JMJD1C: variants seen among roughly 807,000 people sequenced by gnomAD.
The protein encoded by JMJD1C is jumonji domain containing 1C, also known as jumonji domain-containing protein 1C.
A neutral mutation model predicts 245.3 loss-of-function variants in JMJD1C; 31 were observed. The observed-to-expected ratio is 0.13, with a 90% CI of 0.09 to 0.17. The LOEUF is 0.17. JMJD1C is among the 10% of genes least tolerant of loss of function. The pLI, the probability that JMJD1C is intolerant of heterozygous loss-of-function variation, is 1.00. For synonymous variants in JMJD1C, 1,057 were observed against 1,017.4 expected, an observed-to-expected ratio of 1.04 and a Z score of -0.74; for missense variants, 2,691 against 3,000.2, an observed-to-expected ratio of 0.90 and a Z score of 2.41.
At chr10:63,325,030 T>A (rs991304415) in intron 2 of JMJD1C, among the ~76,000 whole-genome samples, 2 of 152,322 alleles carry the variant, frequency 1.3e-5, no homozygotes, top group East Asian at 3.9e-4. Context: ...TATAGTCTAA[T>A]TCTTAATATT....
intron 2 of JMJD1C, among the ~76,000 whole-genome samples, chr10:63,326,561 T>C (rs1174979419): frequency 6.6e-6 from 1 of 150,992 alleles, no homozygotes; most frequent in African/African-American, 2.4e-5. Context: ...TGGACAGACA[T>C]TGGACACTGA....
intron 1 of JMJD1C, among the ~76,000 whole-genome samples, chr10:63,388,568 A>G (rs574492587): frequency 1.3e-5 from 2 of 152,300 alleles, no homozygotes; most frequent in African/African-American, 4.8e-5. Flanking sequence ...GAGCAAATAC[A>G]ATCAAGGAAG....
At chr10:63,321,697 T>C (rs1343567550) in intron 2 of JMJD1C, among the ~76,000 whole-genome samples, 2 of 152,238 alleles carry the variant, frequency 1.3e-5, no homozygotes, top group African/African-American at 2.4e-5. Flanking sequence ...AAAGGGCCTC[T>C]GCACTATCCT....
At chr10:63,213,342 GA>G in intron 8 of JMJD1C, 130 bp downstream of exon 8, 1 of 616,742 alleles carries the variant, frequency 1.6e-6, no homozygotes, top group East Asian at 2.7e-5. Context: ...TAAGTGTATG[GA>G]AAAACAACCG....
rs759962379 is a variant in JMJD1C, at chr10:63,214,056, A to G, written c.2111T>C (p.Ile704Thr). The G allele has an allele frequency of 3.1e-6, 5 of 1,614,188 alleles. No individual in the cohort carries two copies. Among genetic ancestry groups the G allele is most frequent in the South Asian group, 2.2e-5 (2 of 91,086 alleles). ...STLETTKSPL[I>T]IDKNEHFTVY... is the part of the protein sequence containing the mutation. ...TGTAAAATGCTCATTTTTATCAATGATAAGAGGACTCTTTGTAGTTTCTAA... is the reference window on the plus strand; with the variant it reads ...TGTAAAATGCTCATTTTTATCAATGGTAAGAGGACTCTTTGTAGTTTCTAA... The change falls in exon 8 of 26, where the codon ATC becomes ACC. Residue 704 changes from isoleucine to threonine, a missense_variant. Ile to Thr is a moderately conservative substitution (Grantham distance 89, BLOSUM62 -1). Coordinates refer to ENST00000399262, the MANE Select transcript of JMJD1C (RefSeq NM_032776.3).
intron 2 of JMJD1C, among the ~76,000 whole-genome samples, chr10:63,316,550 C>T (rs552238523): frequency 1.3e-5 from 2 of 152,174 alleles, no homozygotes; most frequent in East Asian, 1.9e-4. Flanking sequence ...TGTGTTCAAG[C>T]GATTCTCCTG....
intron 1 of JMJD1C, among the ~76,000 whole-genome samples, chr10:63,393,470 A>C (rs1444940560): frequency 6.6e-6 from 1 of 152,174 alleles, no homozygotes; most frequent in African/African-American, 2.4e-5. Flanking sequence ...ATTAGGAAAA[A>C]CAGTATGGGG....
chr10:63,230,489 T>G (rs1849827387), intron 3 of JMJD1C, among the ~76,000 whole-genome samples: 1 of 152,210 alleles, frequency 6.6e-6, no homozygotes, highest in Admixed American at 6.5e-5. Context: ...TTGTATAATA[T>G]GCAGAAGGCT....
chr10:63,329,254 C>T (rs894017628), intron 2 of JMJD1C, among the ~76,000 whole-genome samples: 7 of 150,860 alleles, frequency 4.6e-5, no homozygotes, highest in Admixed American at 3.3e-4. Flanking sequence ...TGAACTCCAG[C>T]CTAGGCAACA....
At chr10:63,277,585 T>C (rs905050255) in intron 2 of JMJD1C, among the ~76,000 whole-genome samples, 13 of 152,054 alleles carry the variant, frequency 8.5e-5, no homozygotes, top group African/African-American at 2.4e-4. Context: ...AAAGATATTT[T>C]GGGGATGGTA....
chr10:63,249,327 A>AAAC (rs1205151024), intron 3 of JMJD1C, among the ~76,000 whole-genome samples: 1 of 152,292 alleles, frequency 6.6e-6, no homozygotes, highest in South Asian at 2.1e-4. Context: ...AGAAAAAACA[A>AAAC]AACAACAACA....
At chr10:63,197,036 C>T (rs1466524125) in intron 13 of JMJD1C, among the ~76,000 whole-genome samples, 2 of 151,890 alleles carry the variant, frequency 1.3e-5, no homozygotes, top group African/African-American at 2.4e-5. Context: ...CACCTGGGTT[C>T]AAGCAATCTT....
At position 63,380,405 on chromosome 10, in the gene JMJD1C, C is replaced by T; in HGVS notation, c.246G>A (p.Leu82=). ...TGGCCCAGATTAAGTGGTATTCCAC[C>T]AAGAAAGTTGAAAAATCTTCATAAA... The part of the protein sequence containing the change: ...VKVYEDFSTF[L]VEYHLIWAKR... Residue 82 remains leucine (L), a synonymous_variant, in exon 2 of 26, where the codon TTG becomes TTA. Transcript: ENST00000399262. The T allele has an allele frequency of 6.2e-7, 1 of 1,613,922 alleles. No homozygotes were observed. Among genetic ancestry groups the T allele is most frequent in the Non-Finnish European group, 8.5e-7 (1 of 1,179,892 alleles).
chr10:63,501,578 C>A (rs913010598), intron 1 of JMJD1C, among the ~76,000 whole-genome samples: 15 of 152,204 alleles, frequency 9.9e-5, no homozygotes, highest in Admixed American at 9.8e-4. Flanking sequence ...GAGATCGAGA[C>A]CATCCTGGCT....
chr10:63,280,469 G>C (rs1276629982), intron 2 of JMJD1C, among the ~76,000 whole-genome samples: 1 of 152,064 alleles, frequency 6.6e-6, no homozygotes, highest in African/African-American at 2.4e-5. Flanking sequence ...AGAATAGCTT[G>C]AACCCAGGAA....
chr10:63,224,478 G>T (rs1215492853), intron 3 of JMJD1C, among the ~76,000 whole-genome samples: 4 of 152,132 alleles, frequency 2.6e-5, no homozygotes, highest in Admixed American at 6.6e-5. Context: ...TCTACATATA[G>T]TACTTTGTAA....
At position 63,465,555 on chromosome 10, in the gene JMJD1C, G is replaced by C. The variant is rs762262106; in HGVS notation, c.108C>G (p.Ser36Arg). The change falls in exon 1 of 26, where the codon AGC (serine) becomes AGG (arginine). Residue 36 changes from serine (S) to arginine (R), a missense_variant. Physicochemically the swap from Ser to Arg is moderately radical, Grantham distance 110. This residue lies in a region of JMJD1C where 135 missense variants were observed against 115.5 expected (regional missense o/e 1.17). Coordinates refer to ENST00000399262, the MANE Select transcript of JMJD1C (RefSeq NM_032776.3). ...ERWESGRGWR[S>R]WRAGVIRAVS... ...CGGCTCGGATGACCCCCGCTCGCCA[G>C]CTTCGCCAGCCGCGTCCGCTCTCCC... 2 of 1,603,174 alleles carry C rather than the reference G, an allele frequency of 1.2e-6. No homozygotes were observed. Among genetic ancestry groups the C allele is most frequent in the Non-Finnish European group, 1.7e-6 (2 of 1,178,514 alleles).
intron 3 of JMJD1C, among the ~76,000 whole-genome samples, chr10:63,240,058 C>T (rs1227710349): frequency 6.6e-6 from 1 of 152,166 alleles, no homozygotes; most frequent in Non-Finnish European, 1.5e-5. Flanking sequence ...CCTGGCCTCT[C>T]CAGAATTTTA....
At chr10:63,346,495 A>G (rs1943826871) in intron 2 of JMJD1C, among the ~76,000 whole-genome samples, 1 of 152,234 alleles carries the variant, frequency 6.6e-6, no homozygotes, top group South Asian at 2.1e-4. Flanking sequence ...ATCTCAGCCA[A>G]CCACAGCAGC....
Sources: allele counts gnomAD v4.1 joint callset (sites outside exome capture counted in the v4.1 genomes callset), GRCh38; gene constraint gnomAD v4.1.1; regional missense constraint gnomAD v4.1.1; transcripts MANE v1.5; gene names NCBI Gene and HGNC (gene_info 2026-07-23, HGNC 2026-07-21).